Variants in TTC6 observed in about 807,000 individuals in gnomAD.
TTC6 encodes the protein tetratricopeptide repeat domain 6.
A neutral mutation model predicts 210.4 loss-of-function variants in TTC6; 172 were observed. The ratio of observed to expected loss-of-function variants is 0.82; its 90% CI spans 0.72 to 0.93. The LOEUF is 0.93. Among genes scored for constraint, TTC6 ranks in the 40% least tolerant of loss-of-function variants. The pLI, the probability that TTC6 is intolerant of heterozygous loss-of-function variation, is 0.00. For missense variants in TTC6, 2,414 were observed against 2,318.1 expected (o/e 1.04, Z -0.85); for synonymous variants, 804 against 819.6 (o/e 0.98, Z 0.32).
chr14:37,725,312 GTATATATATATATATATATA>G lies in TTC6; in HGVS notation c.1818+337_1818+356del, dbSNP rs1169644241. On this transcript the variant is annotated intron_variant, in intron 7 of 30. Transcript: ENST00000553443. ...TATATGTATGTATGTGTGTGTGTGT[GTATATATATATATATATATA>G]TATATATATATATATATATATATAT... 7.1e-4 allele frequency among the ~76,000 whole-genome samples: 24 copies of G among 33,914 alleles called. 1 individual carries two copies. The highest frequency in any genetic ancestry group is 5.2e-3 in the East Asian group (5 of 954). The allele number at this position is 33,914 out of a possible 152,430, so 22.2% of individuals were successfully genotyped here. A position where few individuals can be genotyped will look rare whatever the true frequency, so the allele number is the denominator to read the frequency against.
At chr14:37,653,811 C>G (rs1366288344) in intron 1 of TTC6, among the ~76,000 whole-genome samples, 2 of 152,130 alleles carry the variant, frequency 1.3e-5, no homozygotes, top group African/African-American at 4.8e-5. Context: ...CTCTTGTCAA[C>G]TTATTCATAT....
intron 1 of TTC6, among the ~76,000 whole-genome samples, chr14:37,665,591 C>T (rs1041799290): frequency 4.7e-5 from 7 of 150,408 alleles, no homozygotes; most frequent in South Asian, 2.1e-4. Context: ...AACGAACCAC[C>T]GTGGCACGTT....
intron 2 of TTC6, chr14:37,611,302 C>CGGT (rs2139251053): frequency 6.6e-6 from 1 of 152,360 alleles, no homozygotes; most frequent in African/African-American, 2.4e-5. Flanking sequence ...GGACACTCGC[C>CGGT]GAGCGGCGGG....
intron 26 of TTC6, among the ~76,000 whole-genome samples, chr14:37,818,078 T>C (rs1595308313): frequency 6.6e-6 from 1 of 152,176 alleles, no homozygotes; most frequent in South Asian, 2.1e-4. Flanking sequence ...TTTTAAAAAT[T>C]ATGCATTTTT....
intron 1 of TTC6, among the ~76,000 whole-genome samples, chr14:37,661,545 C>T (rs2095737409): frequency 6.6e-6 from 1 of 152,038 alleles, no homozygotes; most frequent in Admixed American, 6.6e-5. Flanking sequence ...GTTTTTGTAC[C>T]AGTACCATGC....
At chr14:37,781,511 A>G (rs1441016974) in intron 14 of TTC6, among the ~76,000 whole-genome samples, 3 of 152,062 alleles carry the variant, frequency 2.0e-5, no homozygotes, top group South Asian at 2.1e-4. Context: ...CATTCTTTGT[A>G]GATTCTGGAT....
At chr14:37,821,657 A>G (rs2096157473) in intron 26 of TTC6, among the ~76,000 whole-genome samples, 1 of 152,122 alleles carries the variant, frequency 6.6e-6, no homozygotes, top group Non-Finnish European at 1.5e-5. Flanking sequence ...CTGGACAAGC[A>G]TTAAAAAAAT....
chr14:37,717,542 T>C (rs1253173511), intron 6 of TTC6, among the ~76,000 whole-genome samples: 1 of 152,014 alleles, frequency 6.6e-6, no homozygotes, highest in Non-Finnish European at 1.5e-5. Flanking sequence ...ATTAAGGAAA[T>C]TGAATTATTG....
intron 1 of TTC6, among the ~76,000 whole-genome samples, chr14:37,652,216 G>A (rs918478892): frequency 7.9e-5 from 12 of 152,026 alleles, no homozygotes; most frequent in Non-Finnish European, 1.8e-4. Context: ...ATATGAAATT[G>A]CTGTTTTTAT....
intron 1 of TTC6, among the ~76,000 whole-genome samples, chr14:37,665,164 A>G (rs1199080500): frequency 6.6e-6 from 1 of 150,526 alleles, no homozygotes; most frequent in Non-Finnish European, 1.5e-5. Flanking sequence ...ACCCAAAAGA[A>G]TATAAATCAT....
intron 29 of TTC6, among the ~76,000 whole-genome samples, chr14:37,839,486 T>C (rs2096205265): frequency 1.3e-5 from 2 of 152,208 alleles, no homozygotes; most frequent in African/African-American, 4.8e-5. Flanking sequence ...CATTTTTTGA[T>C]GGGGTTGTTT....
At chr14:37,691,096 A>G (rs1179878004) in intron 3 of TTC6, among the ~76,000 whole-genome samples, 2 of 152,070 alleles carry the variant, frequency 1.3e-5, no homozygotes, top group Non-Finnish European at 2.9e-5. Flanking sequence ...TTGGGAGGCC[A>G]AGGTGGGTGG....
At chr14:37,706,663 AAAC>A (rs1357180702) in intron 5 of TTC6, among the ~76,000 whole-genome samples, 1 of 152,156 alleles carries the variant, frequency 6.6e-6, no homozygotes, top group Non-Finnish European at 1.5e-5. Flanking sequence ...CTAAATTCAG[AAAC>A]AACATGTGTA....
At chr14:37,791,118 A>G (rs1444072299) in intron 16 of TTC6, among the ~76,000 whole-genome samples, 1 of 152,150 alleles carries the variant, frequency 6.6e-6, no homozygotes, top group African/African-American at 2.4e-5. Context: ...ACTATTGAGG[A>G]TTTTGGAGAT....
At chr14:37,606,415 T>A (rs2095625227) in intron 1 of TTC6, among the ~76,000 whole-genome samples, 2 of 152,152 alleles carry the variant, frequency 1.3e-5, no homozygotes, top group Admixed American at 1.3e-4. Context: ...TTAGGAGTAC[T>A]TAGGCTTCCT....
At chr14:37,633,412 T>C (rs1399453672) in intron 1 of TTC6, among the ~76,000 whole-genome samples, 6 of 152,098 alleles carry the variant, frequency 3.9e-5, no homozygotes, top group Non-Finnish European at 5.9e-5. Flanking sequence ...CCAGGTGAGG[T>C]GATGCCCCAC....
At chr14:37,809,027 T>G (rs1235380879) in intron 24 of TTC6, among the ~76,000 whole-genome samples, 181 bp downstream of exon 26, 1 of 152,140 alleles carries the variant, frequency 6.6e-6, no homozygotes, top group Non-Finnish European at 1.5e-5. Context: ...TCAAAAGGAA[T>G]TCCTAGGAAA....
chr14:37,823,621 G>A (rs1233236252), intron 26 of TTC6, 126 bp from the exon 29 acceptor site: 5 of 849,234 alleles, frequency 5.9e-6, no homozygotes, highest in Admixed American at 2.6e-5. Flanking sequence ...ATGGGTAATA[G>A]AAATGGAGAT....
chr14:37,732,275 T>C (rs979621173), intron 7 of TTC6, among the ~76,000 whole-genome samples: 14 of 141,060 alleles, frequency 9.9e-5, no homozygotes, highest in African/African-American at 2.1e-4. Flanking sequence ...CTCTGCCTCC[T>C]GGTTTCACGC....
Sources: allele counts gnomAD v4.1 joint callset (sites outside exome capture counted in the v4.1 genomes callset), GRCh38; gene constraint gnomAD v4.1.1; transcripts MANE v1.5; gene names NCBI Gene and HGNC (gene_info 2026-07-23, HGNC 2026-07-21).